MON2: variants seen among roughly 807,000 people sequenced by gnomAD.
The protein encoded by MON2 is MON2 regulator of endosome-to-Golgi trafficking.
Under a neutral mutation model 208.6 loss-of-function variants are expected in MON2, and 84 were observed. That is an observed-to-expected ratio of 0.40 (90% CI 0.34 to 0.48). MON2 has a LOEUF of 0.48. MON2 is among the 20% of genes least tolerant of loss of function. The probability of loss-of-function intolerance (pLI) is 0.59; values close to 1 mark genes in which losing one functional copy is unlikely to be tolerated. For missense variants in MON2, 1,611 were observed against 2,015.4 expected (o/e 0.80, Z 3.84); for synonymous variants, 660 against 694.0 (o/e 0.95, Z 0.77).
In MON2 at chr12:62,500,848, C is replaced by A; in HGVS notation, c.631C>A (p.Pro211Thr). Reference protein sequence around the residue: ...SNRRSVSTLKPCAKDAYMLFQ... With the variant: ...SNRRSVSTLKTCAKDAYMLFQ... ...CAGAAGATCTGTCAGTACCCTCAAA[C>A]CTTGTGCTAAAGATGCATATATGCT... The change falls in exon 6 of 35, where the codon CCT becomes ACT. Residue 211 changes from proline to threonine, a missense_variant. Pro to Thr is a conservative substitution (Grantham distance 38). Transcript: ENST00000393630. 1 of 1,589,208 alleles carries A rather than the reference C, an allele frequency of 6.3e-7. No homozygotes were observed. The highest frequency in any genetic ancestry group is 8.6e-7 in the Non-Finnish European group (1 of 1,168,090).
At chr12:62,516,066 A>G (rs7970112) in intron 8 of MON2, among the ~76,000 whole-genome samples, 124,585 of 152,120 alleles carry the variant, frequency 0.82, 51,211 homozygotes, top group African/African-American at 0.88. Context: ...GTACATATAG[A>G]CAATGGAGTA....
chr12:62,498,333 T>A (rs2136069726), intron 4 of MON2, among the ~76,000 whole-genome samples: 1 of 152,188 alleles, frequency 6.6e-6, no homozygotes, highest in East Asian at 1.9e-4. Context: ...GGGCCACGGG[T>A]AGAGGAAGAG....
At chr12:62,488,643 C>A (rs1310719566) in intron 2 of MON2, among the ~76,000 whole-genome samples, 1 of 152,054 alleles carries the variant, frequency 6.6e-6, no homozygotes, top group Admixed American at 6.6e-5. Context: ...GAAGCTATTT[C>A]TAAAATCCAG....
intron 24 of MON2, 136 bp from the exon 25 acceptor site, chr12:62,555,858 T>TCCAATATA (rs1196642229): frequency 1.6e-6 from 1 of 617,890 alleles, no homozygotes; most frequent in African/African-American, 1.9e-5. Flanking sequence ...GTCAGTTTCC[T>TCCAATATA]CCAATATATA....
In MON2 at chr12:62,560,661, C is replaced by T. The variant is rs2074165411; in HGVS notation, c.3580C>T (p.Pro1194Ser). The change falls in exon 26 of 35, where the codon CCT becomes TCT. Residue 1194 changes from proline to serine, a missense_variant. Transcript: ENST00000393630. Reference sequence around the variant, plus strand: ...TGAGACACCACCTGTAGTTAATGTACCTGTGCCTGTTCTTATAGGGCCCAT... The same window carrying T: ...TGAGACACCACCTGTAGTTAATGTATCTGTGCCTGTTCTTATAGGGCCCAT... ...KPETPPVVNV[P>S]VPVLIGPISG... is the part of the protein sequence containing the mutation. 1 of 1,614,042 alleles carries T rather than the reference C, an allele frequency of 6.2e-7. No individual in the cohort carries two copies. The highest frequency in any genetic ancestry group is 8.5e-7 in the Non-Finnish European group (1 of 1,179,974).
chr12:62,472,224 A>C (rs554900133), intron 1 of MON2, among the ~76,000 whole-genome samples: 173 of 152,302 alleles, frequency 1.1e-3, no homozygotes, highest in African/African-American at 4.0e-3. Context: ...CTATTTCATC[A>C]AAGAGCAGTG....
At chr12:62,565,944 C>T (rs528084483) in intron 27 of MON2, 70 bp from the exon 28 acceptor site, 88 of 1,361,012 alleles carry the variant, frequency 6.5e-5, no homozygotes, top group Non-Finnish European at 7.9e-5. Context: ...TTATATCGTC[C>T]GAAAGTAGTT....
intron 11 of MON2, 111 bp downstream of exon 11, chr12:62,526,213 T>G: frequency 1.0e-6 from 1 of 979,764 alleles, no homozygotes; most frequent in Non-Finnish European, 1.5e-6. Context: ...TTCTAAGGTA[T>G]TTTAGAGCTC....
chr12:62,500,706 CATT>C (rs1204214305), intron 5 of MON2, 74 bp from the exon 6 acceptor site: 2 of 663,334 alleles, frequency 3.0e-6, no homozygotes, highest in Non-Finnish European at 5.0e-6. Context: ...TTATTTTAAA[CATT>C]ATCTTTTAAA....
chr12:62,508,523 G>GT (rs2071222015), intron 8 of MON2, 43 bp downstream of exon 8: 1 of 1,566,614 alleles, frequency 6.4e-7, no homozygotes, highest in African/African-American at 1.4e-5. Flanking sequence ...ATAGTTGCAT[G>GT]TTGTGCCCTT....
intron 7 of MON2, among the ~76,000 whole-genome samples, chr12:62,506,452 A>G (rs1300439478): frequency 6.6e-6 from 1 of 152,120 alleles, no homozygotes; most frequent in Non-Finnish European, 1.5e-5. Flanking sequence ...TTTTTAAAAC[A>G]TACGTTTAGT....
intron 32 of MON2, among the ~76,000 whole-genome samples, chr12:62,581,535 G>C (rs1010804602): frequency 2.6e-5 from 4 of 152,098 alleles, no homozygotes; most frequent in Non-Finnish European, 1.5e-5. Flanking sequence ...TGCACTCTGG[G>C]CAACAGAGCA....
At chr12:62,491,132 A>C (rs1293539680) in intron 2 of MON2, among the ~76,000 whole-genome samples, 1 of 152,154 alleles carries the variant, frequency 6.6e-6, no homozygotes, top group Non-Finnish European at 1.5e-5. Flanking sequence ...ACATACATTG[A>C]GTTGAATTGC....
At chr12:62,484,262 T>A in intron 2 of MON2, 29 bp downstream of exon 2, 1 of 1,440,684 alleles carries the variant, frequency 6.9e-7, no homozygotes, top group Non-Finnish European at 9.6e-7. Context: ...AATTTAATAA[T>A]AAACAAAAAT....
intron 23 of MON2, among the ~76,000 whole-genome samples, chr12:62,551,066 C>T (rs2136299962): frequency 6.6e-6 from 1 of 151,914 alleles, no homozygotes; most frequent in South Asian, 2.1e-4. Context: ...ATTATAGGCG[C>T]CCGCCATGAT....
intron 8 of MON2, among the ~76,000 whole-genome samples, chr12:62,512,884 C>G (rs1345645250): frequency 6.6e-6 from 1 of 152,234 alleles, no homozygotes; most frequent in Non-Finnish European, 1.5e-5. Flanking sequence ...CAATTCTTGA[C>G]TTCTCTGCAC....
At chr12:62,479,757 T>C (rs2069299589) in intron 1 of MON2, among the ~76,000 whole-genome samples, 1 of 152,196 alleles carries the variant, frequency 6.6e-6, no homozygotes, top group African/African-American at 2.4e-5. Context: ...TTCAAGTCTG[T>C]AGAACTTTTT....
chr12:62,534,964 A>C lies in MON2; in HGVS notation c.1715+38A>C, dbSNP rs777384118. 5.5e-6 allele frequency: 7 copies of C among 1,262,572 alleles called. No homozygotes were observed. The African/African-American group carries it at 1.7e-4, about 30-fold the overall frequency. The allele number at this position is 1,262,572 out of a possible 1,614,324, so 78.2% of individuals were successfully genotyped here. A position where few individuals can be genotyped will look rare whatever the true frequency, so the allele number is the denominator to read the frequency against. ...TGTAAGTTTTATATTGAACTGTGTC[A>C]GTTAAAAAAAACACATTAAAATGGT... On this transcript the variant is annotated intron_variant, in intron 13 of 34. Transcript: ENST00000393630.
chr12:62,470,487 T>C (rs529749487), intron 1 of MON2, among the ~76,000 whole-genome samples: 4 of 152,202 alleles, frequency 2.6e-5, no homozygotes, highest in Non-Finnish European at 5.9e-5. Context: ...TAAATCTTCA[T>C]GTTTTAGCAG....
Sources: gnomAD v4.1 joint callset for allele counts (sites outside exome capture counted in the v4.1 genomes callset) on GRCh38, gnomAD v4.1.1 for gene constraint, MANE v1.5 for transcripts, NCBI Gene and HGNC (gene_info 2026-07-23, HGNC 2026-07-21) for gene names.